SHISA9: variants seen among roughly 807,000 people sequenced by gnomAD.
SHISA9 encodes shisa family member 9.
Under a neutral mutation model 38.0 loss-of-function variants are expected in SHISA9, and 13 were observed. That is an observed-to-expected ratio of 0.34 (90% CI 0.22 to 0.54). The LOEUF (loss-of-function observed/expected upper bound fraction) is 0.54, where lower values mean the gene tolerates loss of function less well. Among genes scored for constraint, SHISA9 ranks in the 20% least tolerant of loss-of-function variants. SHISA9 has a pLI of 0.91. For missense variants in SHISA9, 538 were observed against 575.8 expected (o/e 0.93, Z 0.67); for synonymous variants, 275 against 242.0 (o/e 1.14, Z -1.27).
At chr16:13,064,944 A>G (rs767704093) in intron 2 of SHISA9, among the ~76,000 whole-genome samples, 2 of 152,138 alleles carry the variant, frequency 1.3e-5, no homozygotes, top group Non-Finnish European at 2.9e-5. Context: ...TTGAGCTGAG[A>G]CCTGATGGAT....
At chr16:13,290,525 T>C in the SHISA9 span, among the ~76,000 whole-genome samples, 1 of 152,174 alleles carries the variant, frequency 6.6e-6, no homozygotes. Context: ...GTGATGAGTT[T>C]GTCGTGTTTC....
At chr16:13,415,163 C>T in the SHISA9 span, among the ~76,000 whole-genome samples, 13 of 152,122 alleles carry the variant, frequency 8.5e-5, no homozygotes, top group African/African-American at 3.1e-4. Context: ...TTAGGCTGAA[C>T]TTAAATATGT....
chr16:13,261,842 G>A, the SHISA9 span, among the ~76,000 whole-genome samples: 10 of 152,136 alleles, frequency 6.6e-5, no homozygotes, highest in African/African-American at 1.4e-4. Flanking sequence ...GAGTTAATGA[G>A]ACTCAAACCC....
Position 13,235,517 on chromosome 16 carries a change from C to T in SHISA9, c.*108C>T. ...CCCCTAATACATGCGTCCACACACT[C>T]ACTCTCAACAAGAACCAACTCTAAA... is the stretch of plus-strand genomic sequence containing the variant. On this transcript the variant is annotated 3_prime_UTR_variant, in exon 5 of 5. Coordinates refer to ENST00000558583, the MANE Select transcript of SHISA9 (RefSeq NM_001145204.3). 1 of 1,311,096 alleles carries T rather than the reference C, an allele frequency of 7.6e-7. No individual in the cohort carries two copies. The allele number at this position is 1,311,096 out of a possible 1,614,324, so 81.2% of individuals were successfully genotyped here. A position where few individuals can be genotyped will look rare whatever the true frequency, so the allele number is the denominator to read the frequency against.
chr16:13,291,925 CAG>C, the SHISA9 span, among the ~76,000 whole-genome samples: 2 of 152,062 alleles, frequency 1.3e-5, no homozygotes, highest in East Asian at 1.9e-4. Context: ...AGGGAGAAAA[CAG>C]TGTTTTTTTA....
intron 2 of SHISA9, among the ~76,000 whole-genome samples, chr16:12,959,271 T>C (rs530420885): frequency 6.6e-6 from 1 of 152,340 alleles, no homozygotes; most frequent in Non-Finnish European, 1.5e-5. Context: ...GCATTGGATA[T>C]ATGTCCAGCC....
intron 3 of SHISA9, among the ~76,000 whole-genome samples, chr16:13,210,162 C>T (rs999387825): frequency 6.6e-6 from 1 of 152,170 alleles, no homozygotes; most frequent in Admixed American, 6.5e-5. Context: ...TTGGTACTTC[C>T]AGAACTGGAA....
intron 2 of SHISA9, among the ~76,000 whole-genome samples, chr16:13,127,375 A>AGAGAGGGAGGGAGAGAGAGG (rs2050270576): frequency 7.5e-6 from 1 of 133,818 alleles, no homozygotes; most frequent in Non-Finnish European, 1.6e-5. Flanking sequence ...GAGAGAGAAA[A>AGAGAGGGAGGGAGAGAGAGG]GAGAGGGAGG....
chr16:12,996,969 C>T (rs2072464576), intron 2 of SHISA9, among the ~76,000 whole-genome samples: 1 of 152,122 alleles, frequency 6.6e-6, no homozygotes. Flanking sequence ...AATCCTTAGG[C>T]TAGACTAGTT....
intron 2 of SHISA9, among the ~76,000 whole-genome samples, chr16:13,139,024 G>A (rs1208495695): frequency 6.6e-6 from 1 of 152,112 alleles, no homozygotes; most frequent in Non-Finnish European, 1.5e-5. Flanking sequence ...CAAACGTGGG[G>A]TACTAAGTTG....
chr16:13,156,166 C>A (rs1049731719), intron 2 of SHISA9, among the ~76,000 whole-genome samples: 2 of 152,108 alleles, frequency 1.3e-5, no homozygotes, highest in Non-Finnish European at 2.9e-5. Context: ...TTAGGTTAAG[C>A]AGCAGAAAAT....
chr16:12,905,623 G>A (rs12448107), intron 1 of SHISA9, among the ~76,000 whole-genome samples: 43,246 of 149,256 alleles, frequency 0.29, 6,546 homozygotes, highest in South Asian at 0.48. Context: ...GCAGAGTCTC[G>A]CTCTGTCACC....
the SHISA9 span, among the ~76,000 whole-genome samples, chr16:13,370,567 AAC>A: frequency 6.6e-6 from 1 of 152,198 alleles, no homozygotes; most frequent in Non-Finnish European, 1.5e-5. Flanking sequence ...CTGAGCACAA[AAC>A]AGTTTATAAT....
chr16:13,423,210 A>C, the SHISA9 span, among the ~76,000 whole-genome samples: 1 of 152,202 alleles, frequency 6.6e-6, no homozygotes, highest in African/African-American at 2.4e-5. Context: ...TTTGCCTGAG[A>C]AGAGTGAAGG....
chr16:13,233,651 T>C (rs968192453), intron 4 of SHISA9, among the ~76,000 whole-genome samples: 2 of 152,218 alleles, frequency 1.3e-5, no homozygotes, highest in African/African-American at 2.4e-5. Flanking sequence ...TAAAACCTTG[T>C]TTACAAAATC....
At chr16:13,112,220 A>T (rs1036953600) in intron 2 of SHISA9, among the ~76,000 whole-genome samples, 3 of 152,124 alleles carry the variant, frequency 2.0e-5, no homozygotes, top group African/African-American at 7.2e-5. Context: ...AGTTCTTGAT[A>T]TGTTTAGAGA....
chr16:13,146,259 A>G (rs2050446629), intron 2 of SHISA9, among the ~76,000 whole-genome samples: 1 of 152,238 alleles, frequency 6.6e-6, no homozygotes, highest in African/African-American at 2.4e-5. Flanking sequence ...GTCTCAGCCT[A>G]ATGGACTAGG....
At chr16:13,022,120 T>G (rs1157232028) in intron 2 of SHISA9, among the ~76,000 whole-genome samples, 1 of 152,086 alleles carries the variant, frequency 6.6e-6, no homozygotes, top group Non-Finnish European at 1.5e-5. Context: ...CCTTGTTCCT[T>G]CTGTATCTGC....
the SHISA9 span, among the ~76,000 whole-genome samples, chr16:13,414,646 C>CTTTTTTTTTT: frequency 3.7e-5 from 5 of 136,612 alleles, 1 homozygote; most frequent in Admixed American, 1.6e-4. Context: ...TTCTTTCTTT[C>CTTTTTTTTTT]TTTCTTTTTT....
Sources: gnomAD v4.1 joint callset for allele counts (sites outside exome capture counted in the v4.1 genomes callset) on GRCh38, gnomAD v4.1.1 for gene constraint, MANE v1.5 for transcripts, NCBI Gene and HGNC (gene_info 2026-07-23, HGNC 2026-07-21) for gene names.